Variants in TYW1 observed in about 807,000 individuals in gnomAD.
TYW1 encodes the protein S-adenosyl-L-methionine-dependent tRNA 4-demethylwyosine synthase TYW1.
In TYW1, 46 loss-of-function variants were observed where a neutral mutation model predicts 96.2. The ratio of observed to expected loss-of-function variants is 0.48; its 90% CI spans 0.38 to 0.61. TYW1 has a LOEUF of 0.61. Ranked by LOEUF, TYW1 falls within the 20% of genes least tolerant of loss-of-function variation. The pLI is 0.00. For synonymous variants in TYW1, 274 were observed against 323.0 expected, an observed-to-expected ratio of 0.85 and a Z score of 1.63; for missense variants, 684 against 909.6, an observed-to-expected ratio of 0.75 and a Z score of 3.19.
intron 12 of TYW1, among the ~76,000 whole-genome samples, chr7:67,109,167 G>A (rs181349306): frequency 0.033 from 4,967 of 151,426 alleles, 275 homozygotes; most frequent in East Asian, 0.16. Flanking sequence ...CCAGCTACTC[G>A]GGAGGCTGAG....
intron 9 of TYW1, among the ~76,000 whole-genome samples, chr7:67,063,289 A>T (rs1300240325): frequency 1.3e-5 from 2 of 152,234 alleles, no homozygotes; most frequent in African/African-American, 4.8e-5. Context: ...AGGAATATTA[A>T]CCTCTACAAA....
intron 15 of TYW1, among the ~76,000 whole-genome samples, chr7:67,207,127 T>G (rs1304353432): frequency 6.6e-6 from 1 of 152,226 alleles, no homozygotes; most frequent in South Asian, 2.1e-4. Context: ...CCTTTGAGAC[T>G]ACTTCTGTCA....
In TYW1 at chr7:67,089,391, G is replaced by C. The variant is rs548011371; in HGVS notation, c.1384+5852G>C. The C allele has an allele frequency of 1.5e-4, 188 of 1,236,268 alleles. 1 individual carries two copies. In the African/African-American group the frequency reaches 2.3e-3, roughly 15 times the overall value. 76.6% of individuals were successfully genotyped at this position (1,236,268 alleles called of 1,614,324 possible). On this transcript the variant is annotated intron_variant, in intron 11 of 15. Coordinates refer to ENST00000359626, the MANE Select transcript of TYW1 (RefSeq NM_018264.4). Reference sequence around the variant, plus strand: ...GGTATCCAGTGCAGGGCATCTGGTGGGGAGGCCTGCTGGTAAAGGTCGAAG... The same window carrying C: ...GGTATCCAGTGCAGGGCATCTGGTGCGGAGGCCTGCTGGTAAAGGTCGAAG...
chr7:67,102,934 C>T (rs955457425), intron 12 of TYW1, among the ~76,000 whole-genome samples: 17 of 152,236 alleles, frequency 1.1e-4, no homozygotes, highest in African/African-American at 4.1e-4. Flanking sequence ...TAGGCGTGAG[C>T]CATCACGCCC....
chr7:67,055,755 T>G, intron 8 of TYW1, 80 bp from the exon 9 acceptor site: 2 of 1,048,560 alleles, frequency 1.9e-6, no homozygotes, highest in Non-Finnish European at 1.3e-6. Flanking sequence ...AAAAAAAAAA[T>G]TTTTGCTAAA....
chr7:67,098,581 G>T lies in TYW1; in HGVS notation c.1425G>T (p.Met475Ile). The T allele has an allele frequency of 6.2e-7, 1 of 1,600,504 alleles. No individual in the cohort carries two copies. ...AAGCAGAACGCTTTGAAGAAGGAAT[G>T]ACGGTAAAGCACTGTGCATTGTCCC... Reference protein sequence around the residue: ...GVKAERFEEGMTVKHCALSLV... With the variant: ...GVKAERFEEGITVKHCALSLV... The change falls in exon 12 of 16, where the codon ATG becomes ATT. Residue 475 changes from methionine (M) to isoleucine (I), a missense_variant. By Grantham distance (10) the Met-to-Ile change is conservative. Transcript: ENST00000359626.
At chr7:67,004,647 G>T (rs1368877530) in intron 3 of TYW1, among the ~76,000 whole-genome samples, 1 of 152,234 alleles carries the variant, frequency 6.6e-6, no homozygotes, top group Non-Finnish European at 1.5e-5. Context: ...CTCTTGTAAG[G>T]CAGGTCTGGT....
At chr7:67,073,025 C>T (rs2115707126) in intron 10 of TYW1, among the ~76,000 whole-genome samples, 1 of 144,912 alleles carries the variant, frequency 6.9e-6, no homozygotes, top group Non-Finnish European at 1.5e-5. Flanking sequence ...CTCAAGCAGT[C>T]CTCTCCTCTT....
At chr7:67,159,062 A>G (rs58606743) in intron 13 of TYW1, among the ~76,000 whole-genome samples, 39,426 of 152,020 alleles carry the variant, frequency 0.26, 5,595 homozygotes, top group African/African-American at 0.38. Flanking sequence ...TCCTCTGCTC[A>G]CTTTAGCTTA....
At chr7:67,237,137 C>T (rs1311309208) in intron 15 of TYW1, among the ~76,000 whole-genome samples, 21 of 152,188 alleles carry the variant, frequency 1.4e-4, no homozygotes, top group Admixed American at 9.8e-4. Flanking sequence ...CCACCTGCCT[C>T]GGCCTTTGAA....
intron 7 of TYW1, among the ~76,000 whole-genome samples, chr7:67,049,721 G>A (rs10234407): frequency 0.24 from 36,421 of 151,570 alleles, 4,630 homozygotes; most frequent in African/African-American, 0.31. Context: ...TAATTTTTGT[G>A]TTTTTAGTAG....
At chr7:67,078,915 C>A (rs561601869) in intron 10 of TYW1, among the ~76,000 whole-genome samples, 1 of 151,916 alleles carries the variant, frequency 6.6e-6, no homozygotes, top group East Asian at 1.9e-4. Context: ...AGGATGGTCT[C>A]GATCTCCTGA....
intron 3 of TYW1, among the ~76,000 whole-genome samples, chr7:67,008,032 G>A (rs752476880): frequency 2.6e-5 from 4 of 152,086 alleles, no homozygotes; most frequent in Non-Finnish European, 5.9e-5. Context: ...CACAAGTCCC[G>A]GCTTTAAATT....
At chr7:67,121,052 G>A (rs570691308) in intron 13 of TYW1, among the ~76,000 whole-genome samples, 2 of 152,294 alleles carry the variant, frequency 1.3e-5, no homozygotes, top group South Asian at 4.1e-4. Flanking sequence ...GTTGCCTTGT[G>A]AGAGAAGATC....
chr7:67,094,695 GCACAGCTGA>G (rs1796840081), intron 11 of TYW1, among the ~76,000 whole-genome samples: 1 of 128,656 alleles, frequency 7.8e-6, no homozygotes, highest in Admixed American at 8.4e-5. Context: ...TGTGTGTCAA[GCACAGCTGA>G]CACCAATACC....
intron 15 of TYW1, among the ~76,000 whole-genome samples, chr7:67,210,373 A>G (rs139840155): frequency 2.7e-4 from 41 of 152,296 alleles, no homozygotes; most frequent in African/African-American, 9.6e-4. Flanking sequence ...ATGACTAACA[A>G]TGCTGACCTC....
At chr7:67,019,514 G>T (rs1180305757) in intron 6 of TYW1, among the ~76,000 whole-genome samples, 1 of 152,254 alleles carries the variant, frequency 6.6e-6, no homozygotes, top group East Asian at 1.9e-4. Flanking sequence ...GTAAATTAGA[G>T]ACAGTGTCTC....
intron 10 of TYW1, among the ~76,000 whole-genome samples, chr7:67,071,571 G>A (rs1003623089): frequency 6.6e-6 from 1 of 151,684 alleles, no homozygotes; most frequent in African/African-American, 2.4e-5. Flanking sequence ...TCATTCCTCA[G>A]CCTCCTGAGT....
chr7:67,186,450 G>A (rs558691352), intron 14 of TYW1, among the ~76,000 whole-genome samples: 1 of 152,150 alleles, frequency 6.6e-6, no homozygotes, highest in South Asian at 2.1e-4. Flanking sequence ...AACATCACTA[G>A]GAAATAGATA....
Sources: allele counts gnomAD v4.1 joint callset (sites outside exome capture counted in the v4.1 genomes callset), GRCh38; gene constraint gnomAD v4.1.1; transcripts MANE v1.5; gene names NCBI Gene and HGNC (gene_info 2026-07-23, HGNC 2026-07-21).